Variants in KDM3B observed in about 807,000 individuals in gnomAD.
KDM3B encodes the protein lysine demethylase 3B.
Under a neutral mutation model 170.0 loss-of-function variants are expected in KDM3B, and 10 were observed. The observed-to-expected ratio is 0.06, with a 90% CI of 0.04 to 0.10. KDM3B has a LOEUF of 0.10. Ranked by LOEUF, KDM3B falls within the 10% of genes least tolerant of loss-of-function variation. The probability of loss-of-function intolerance (pLI) is 1.00; values close to 1 mark genes in which losing one functional copy is unlikely to be tolerated. For missense variants in KDM3B, 1,394 were observed against 2,195.2 expected, an observed-to-expected ratio of 0.64 and a Z score of 7.29; for synonymous variants, 831 against 834.8, an observed-to-expected ratio of 1.00 and a Z score of 0.08.
chr5:138,364,195 G>A (rs1164343177), intron 1 of KDM3B, among the ~76,000 whole-genome samples: 1 of 152,064 alleles, frequency 6.6e-6, no homozygotes, highest in Non-Finnish European at 1.5e-5. Context: ...TGGGATTACA[G>A]GTTGTAAGCC....
Position 138,429,810 on chromosome 5 carries a change from A to G in KDM3B, c.4754-16A>G. The G allele has an allele frequency of 6.2e-7, 1 of 1,613,172 alleles. No homozygotes were observed. Among genetic ancestry groups the G allele is most frequent in the Non-Finnish European group, 8.5e-7 (1 of 1,179,358 alleles). ...AATGGCTGACTACATTGAAAGTGTC[A>G]TTTTGCTCTTTTCAGAGGTACTCAA... On this transcript the variant is annotated splice_polypyrimidine_tract_variant and intron_variant, in intron 20 of 23. Transcript: ENST00000314358.
chr5:138,374,388 A>G (rs1336689342), intron 2 of KDM3B: 2 of 361,414 alleles, frequency 5.5e-6, no homozygotes, highest in Non-Finnish European at 1.1e-5. Context: ...CCTCCCGAGT[A>G]ACTGGGATTA....
Position 138,356,000 on chromosome 5 carries a change from C to CT in KDM3B, c.192+3021dup, listed in dbSNP as rs953435666. Among the ~76,000 whole-genome samples the CT allele has an allele frequency of 6.6e-5, 10 of 151,964 alleles. 1 individual carries two copies. The highest frequency in any genetic ancestry group is 1.7e-4 in the African/African-American group (7 of 41,354). ...CTACTGCACAATATTTGCACCCTGC[C>CT]TTTTTTTTCTTTCATTTGACAGTAT... On this transcript the variant is annotated intron_variant, in intron 1 of 23. Coordinates refer to ENST00000314358, the MANE Select transcript of KDM3B (RefSeq NM_016604.4).
intron 23 of KDM3B, 68 bp downstream of exon 23, chr5:138,431,627 C>T: frequency 7.7e-7 from 1 of 1,302,302 alleles, no homozygotes; most frequent in Non-Finnish European, 1.0e-6. Context: ...ACGCAGAAAG[C>T]ACATTCTCCT....
chr5:138,387,794 C>T (rs1762311437), intron 7 of KDM3B, among the ~76,000 whole-genome samples: 1 of 152,120 alleles, frequency 6.6e-6, no homozygotes, highest in Non-Finnish European at 1.5e-5. Flanking sequence ...AAAACAACTC[C>T]ATGTTGGCCA....
chr5:138,370,810 G>T lies in KDM3B; in HGVS notation c.193-1864G>T, dbSNP rs1199162706. On this transcript the variant is annotated intron_variant, in intron 1 of 23. Coordinates refer to ENST00000314358, the MANE Select transcript of KDM3B (RefSeq NM_016604.4). ...GCCTTAAGAAGTTTCATGTGAGTTT[G>T]TTTTTTTTTTTTTCCGAGACAGAGT... is the stretch of plus-strand genomic sequence containing the variant. 3.4e-3 allele frequency among the ~76,000 whole-genome samples: 482 copies of T among 142,798 alleles called. 3 individuals are homozygous for T. The highest frequency in any genetic ancestry group is 0.011 in the African/African-American group (422 of 39,302). 93.7% of individuals were successfully genotyped at this position (142,798 alleles called of 152,430 possible). A position where few individuals can be genotyped will look rare whatever the true frequency, so the allele number is the denominator to read the frequency against.
intron 11 of KDM3B, among the ~76,000 whole-genome samples, chr5:138,400,266 G>T (rs1333112973): frequency 2.0e-5 from 3 of 150,782 alleles, no homozygotes; most frequent in African/African-American, 4.9e-5. Flanking sequence ...GCAGATTCTC[G>T]CTCTGTTGCC....
chr5:138,381,222 A>G (rs1235799953), intron 5 of KDM3B, among the ~76,000 whole-genome samples: 2 of 152,148 alleles, frequency 1.3e-5, no homozygotes, highest in Admixed American at 6.5e-5. Context: ...TTTTTGTTTC[A>G]TACTATACAG....
chr5:138,403,251 C>T (rs1762732906), intron 11 of KDM3B, among the ~76,000 whole-genome samples: 1 of 152,148 alleles, frequency 6.6e-6, no homozygotes, highest in Non-Finnish European at 1.5e-5. Flanking sequence ...ACCCACTACC[C>T]AGAAAAGTCA....
chr5:138,397,662 A>C (rs1488039028), intron 9 of KDM3B, among the ~76,000 whole-genome samples: 2 of 152,132 alleles, frequency 1.3e-5, no homozygotes, highest in East Asian at 3.9e-4. Flanking sequence ...GTAGTTCAAG[A>C]CCAGCCTGGG....
intron 3 of KDM3B, among the ~76,000 whole-genome samples, chr5:138,376,050 C>T (rs1761991476): frequency 6.6e-6 from 1 of 152,106 alleles, no homozygotes; most frequent in Middle Eastern, 3.2e-3. Context: ...CATCTCGCCT[C>T]ACTGCAACGT....
chr5:138,361,338 CCTTT>C lies in KDM3B; in HGVS notation c.192+8352_192+8355del, dbSNP rs1369026015. Among the ~76,000 whole-genome samples, 13 of 10,122 alleles carry C rather than the reference CCTTT, an allele frequency of 1.3e-3. No homozygotes were observed. The Middle Eastern group carries it at 0.25, about 195-fold the overall frequency. 6.6% of individuals were successfully genotyped at this position (10,122 alleles called of 152,430 possible). A position where few individuals can be genotyped will look rare whatever the true frequency, so the allele number is the denominator to read the frequency against. Reference sequence around the variant, plus strand: ...CTTCAGTTTTCTAAGGGCTGAAACTCCTTTTTTTTTTTTTCCTTTTTTCATGACT... The same window carrying C: ...CTTCAGTTTTCTAAGGGCTGAAACTCTTTTTTTTTTCCTTTTTTCATGACT... On this transcript the variant is annotated intron_variant, in intron 1 of 23. Transcript: ENST00000314358.
chr5:138,369,206 A>G (rs1227532987), intron 1 of KDM3B, among the ~76,000 whole-genome samples: 2 of 152,190 alleles, frequency 1.3e-5, no homozygotes, highest in Non-Finnish European at 2.9e-5. Context: ...TGAACATTCC[A>G]GACTGCTTTT....
At chr5:138,383,945 C>T (rs1441153665) in intron 6 of KDM3B, among the ~76,000 whole-genome samples, 5 of 147,164 alleles carry the variant, frequency 3.4e-5, no homozygotes, top group African/African-American at 7.5e-5. Flanking sequence ...AGCAAAACTC[C>T]GTCTCAAAAA....
chr5:138,358,244 A>G (rs1761503960), intron 1 of KDM3B, among the ~76,000 whole-genome samples: 1 of 150,520 alleles, frequency 6.6e-6, no homozygotes, highest in Admixed American at 6.6e-5. Flanking sequence ...CGGCCTTCCA[A>G]GTGCTGGGAT....
intron 3 of KDM3B, among the ~76,000 whole-genome samples, chr5:138,377,066 C>G (rs1488974436): frequency 6.6e-6 from 1 of 152,160 alleles, no homozygotes; most frequent in Non-Finnish European, 1.5e-5. Flanking sequence ...GTTGATATGT[C>G]TTCCCCGCTC....
intron 1 of KDM3B, among the ~76,000 whole-genome samples, chr5:138,360,371 G>T (rs1450070540): frequency 6.6e-6 from 1 of 152,064 alleles, no homozygotes; most frequent in Admixed American, 6.6e-5. Flanking sequence ...TTGACATTAA[G>T]ACTATATACT....
In KDM3B at chr5:138,434,160, G is replaced by A. The variant is rs538143109; in HGVS notation, c.5206-1460G>A. 2.0e-5 allele frequency among the ~76,000 whole-genome samples: 3 copies of A among 152,310 alleles called. No homozygotes were observed. In the South Asian group the frequency reaches 6.2e-4, roughly 32 times the overall value. ...AGTCCCAGCCACTCAGGAGGCTGAGGTGGGAGGATTACTTGAGCCCAGGAG... is the reference window on the plus strand; with the variant it reads ...AGTCCCAGCCACTCAGGAGGCTGAGATGGGAGGATTACTTGAGCCCAGGAG... On this transcript the variant is annotated intron_variant, in intron 23 of 23. Transcript: ENST00000314358.
At chr5:138,422,741 G>A (rs1053036505) in intron 15 of KDM3B, among the ~76,000 whole-genome samples, 4 of 152,194 alleles carry the variant, frequency 2.6e-5, no homozygotes, top group South Asian at 2.1e-4. Context: ...AGTGTTTCTC[G>A]AGATATTATC....
Sources: allele counts gnomAD v4.1 joint callset (sites outside exome capture counted in the v4.1 genomes callset), GRCh38; gene constraint gnomAD v4.1.1; transcripts MANE v1.5; gene names NCBI Gene and HGNC (gene_info 2026-07-23, HGNC 2026-07-21).